PSKH2: variants seen among roughly 807,000 people sequenced by gnomAD.
The protein encoded by PSKH2 is protein serine kinase H2.
In PSKH2, 16 loss-of-function variants were observed where a neutral mutation model predicts 22.5. The observed-to-expected ratio is 0.71, with a 90% CI of 0.48 to 1.08. The LOEUF is 1.08. Among genes scored for constraint, PSKH2 ranks in the 50% least tolerant of loss-of-function variants. PSKH2 has a pLI of 0.00. For synonymous variants in PSKH2, 188 were observed against 184.8 expected, an observed-to-expected ratio of 1.02 and a Z score of -0.14; for missense variants, 516 against 492.8, an observed-to-expected ratio of 1.05 and a Z score of -0.44.
rs56407605 is a variant in PSKH2 at position 86,064,602 on chromosome 8, C to T, written c.215G>A (p.Gly72Asp). The change falls in exon 2 of 3, where the codon GGC (glycine) becomes GAC (aspartate). Residue 72 changes from glycine to aspartate, a missense_variant. Coordinates refer to ENST00000276616, the MANE Select transcript of PSKH2 (RefSeq NM_033126.3). ...RYDIKALIGT[G>D]SFSRVVRVEQ... ...TACCCTGACAACCCTGCTGAAACTG[C>T]CTGTCCCAATAAGAGCTTTGATGTC... 328 of 1,613,388 alleles carry T rather than the reference C, an allele frequency of 2.0e-4. 1 individual carries two copies. The highest frequency in any genetic ancestry group is 4.8e-4 in the South Asian group (44 of 91,052).
At chr8:86,068,773 A>C (rs1218788069) in intron 1 of PSKH2, among the ~76,000 whole-genome samples, 2 of 152,122 alleles carry the variant, frequency 1.3e-5, no homozygotes, top group Non-Finnish European at 1.5e-5. Flanking sequence ...GCCCCAGGAT[A>C]TTAGAGGCAA....
intron 2 of PSKH2, among the ~76,000 whole-genome samples, chr8:86,053,162 G>A (rs1318323867): frequency 6.6e-6 from 1 of 152,162 alleles, no homozygotes; most frequent in African/African-American, 2.4e-5. Flanking sequence ...CTTTAAAAGA[G>A]TCTGGCTCTC....
chr8:86,064,708 C>T, intron 1 of PSKH2, 77 bp from the exon 2 acceptor site: 1 of 1,142,214 alleles, frequency 8.8e-7, no homozygotes, highest in Non-Finnish European at 1.2e-6. Context: ...TGCTTTATAT[C>T]ATCTTTTCTA....
In PSKH2 at chr8:86,048,362, C is replaced by CAACAATA; in HGVS notation, c.*93_*99dup. On this transcript the variant is annotated 3_prime_UTR_variant, in exon 3 of 3. Coordinates refer to ENST00000276616, the MANE Select transcript of PSKH2 (RefSeq NM_033126.3). ...GTTAAAAGTCAAGATCAATAGTATC[C>CAACAATA]AACAATACCATGGAGTCCCGTGTCT... 1 of 863,652 alleles carries CAACAATA rather than the reference C, an allele frequency of 1.2e-6. No homozygotes were observed. The highest frequency in any genetic ancestry group is 1.8e-6 in the Non-Finnish European group (1 of 553,312). The allele number at this position is 863,652 out of a possible 1,614,324, so 53.5% of individuals were successfully genotyped here. A position where few individuals can be genotyped will look rare whatever the true frequency, so the allele number is the denominator to read the frequency against.
Position 86,069,470 on chromosome 8 carries a change from G to A in PSKH2, c.153C>T (p.Phe51=). The change falls in exon 1 of 3, where the codon TTC becomes TTT. Residue 51 remains phenylalanine, a synonymous_variant. Transcript: ENST00000276616. Reference sequence around the variant, plus strand: ...GGACCCGGGGGTCGAACTTGGCTCGGAAGCGAGCCACCTGTATCCTCTGCG... The same window carrying A: ...GGACCCGGGGGTCGAACTTGGCTCGAAAGCGAGCCACCTGTATCCTCTGCG... ...QAAQRIQVAR[F]RAKFDPRVLA... is the part of the protein sequence containing the mutation. 1.2e-6 allele frequency: 2 copies of A among 1,600,940 alleles called. No individual in the cohort carries two copies. The highest frequency in any genetic ancestry group is 2.2e-5 in the South Asian group (2 of 89,930).
chr8:86,055,600 G>A (rs1312903254), intron 2 of PSKH2, among the ~76,000 whole-genome samples: 1 of 152,080 alleles, frequency 6.6e-6, no homozygotes, highest in Non-Finnish European at 1.5e-5. Context: ...CATAGGAATG[G>A]GAACCAAATT....
At chr8:86,052,765 C>CA (rs1478251405) in intron 2 of PSKH2, among the ~76,000 whole-genome samples, 1 of 151,966 alleles carries the variant, frequency 6.6e-6, no homozygotes, top group South Asian at 2.1e-4. Context: ...AACCATTTTA[C>CA]AAAAAAAGGA....
intron 2 of PSKH2, among the ~76,000 whole-genome samples, chr8:86,059,936 A>G (rs954245882): frequency 4.6e-5 from 7 of 152,224 alleles, no homozygotes; most frequent in Non-Finnish European, 8.8e-5. Context: ...CTGTAGAGGA[A>G]ATCTACATTA....
chr8:86,048,311 T>C lies in PSKH2; in HGVS notation c.*151A>G, dbSNP rs1817558113. On this transcript the variant is annotated 3_prime_UTR_variant, in exon 3 of 3. Coordinates refer to ENST00000276616, the MANE Select transcript of PSKH2 (RefSeq NM_033126.3). ...TATTTTGGGAAAATGAATACAGGTA[T>C]AGGAAAAATTATAGAACAAGAAAAT... is the stretch of plus-strand genomic sequence containing the variant. 4 of 600,892 alleles carry C rather than the reference T, an allele frequency of 6.7e-6. No homozygotes were observed. Among genetic ancestry groups the C allele is most frequent in the Non-Finnish European group, 1.1e-5 (4 of 351,046 alleles). 37.2% of individuals were successfully genotyped at this position (600,892 alleles called of 1,614,324 possible).
chr8:86,050,222 CA>C (rs11291256), intron 2 of PSKH2, among the ~76,000 whole-genome samples: 130,834 of 152,200 alleles, frequency 0.86, 56,564 homozygotes, highest in African/African-American at 0.93. Context: ...AGAAAAGAAA[CA>C]ATTTAATCTG....
In PSKH2 at chr8:86,069,634, G is replaced by C. The variant is rs1455000422; in HGVS notation, c.-12C>G. 6.6e-7 allele frequency: 1 copy of C among 1,514,562 alleles called. No homozygotes were observed. The highest frequency in any genetic ancestry group is 8.8e-7 in the Non-Finnish European group (1 of 1,136,722). The allele number at this position is 1,514,562 out of a possible 1,614,324, so 93.8% of individuals were successfully genotyped here. The stretch of plus-strand genomic sequence containing the variant: ...GCGCCGCACCCCATACCCGCAACAC[G>C]CCCGCCGCTCGCGGGACCTGGGGAC... On this transcript the variant is annotated 5_prime_UTR_variant, in exon 1 of 3. Coordinates refer to ENST00000276616, the MANE Select transcript of PSKH2 (RefSeq NM_033126.3).
chr8:86,066,027 T>C (rs1348530472), intron 1 of PSKH2, among the ~76,000 whole-genome samples: 2 of 152,036 alleles, frequency 1.3e-5, no homozygotes, highest in South Asian at 2.1e-4. Flanking sequence ...CTCTACCTCA[T>C]ATTTAAGACA....
chr8:86,049,747 A>AAAGGAAAG (rs1363102902), intron 2 of PSKH2, among the ~76,000 whole-genome samples: 3 of 11,452 alleles, frequency 2.6e-4, no homozygotes, highest in African/African-American at 3.7e-4. Context: ...AGAAAGAAAG[A>AAAGGAAAG]AACGAAAGAA....
Position 86,061,044 on chromosome 8 carries a change from A to G in PSKH2, c.852+2921T>C, listed in dbSNP as rs113677606. ...CTGCCTTGACCTCAGAAGGCCTGAG[A>G]ATTTACCACCATTACCAACCTCAGT... On this transcript the variant is annotated intron_variant, in intron 2 of 2. Transcript: ENST00000276616. Among the ~76,000 whole-genome samples the G allele has an allele frequency of 3.4e-3, 518 of 152,288 alleles. 4 individuals carry two copies. Among genetic ancestry groups the G allele is most frequent in the African/African-American group, 0.012 (502 of 41,554 alleles).
At chr8:86,050,643 G>A (rs144777668) in intron 2 of PSKH2, among the ~76,000 whole-genome samples, 19 of 152,230 alleles carry the variant, frequency 1.2e-4, no homozygotes, top group African/African-American at 1.7e-4. Context: ...AGCACATACC[G>A]TATACCCGGA....
chr8:86,060,605 G>T (rs1424358594), intron 2 of PSKH2, among the ~76,000 whole-genome samples: 3 of 152,154 alleles, frequency 2.0e-5, no homozygotes, highest in Non-Finnish European at 4.4e-5. Flanking sequence ...TATGTTTGGA[G>T]ATGAGGCCTC....
intron 2 of PSKH2, among the ~76,000 whole-genome samples, chr8:86,056,304 G>GA (rs1332291473): frequency 6.6e-6 from 1 of 151,498 alleles, no homozygotes; most frequent in Non-Finnish European, 1.5e-5. Context: ...TCTCAAAAAA[G>GA]AAAAAAATGT....
intron 2 of PSKH2, among the ~76,000 whole-genome samples, chr8:86,058,016 G>A (rs1004710239): frequency 1.3e-5 from 2 of 152,210 alleles, no homozygotes; most frequent in African/African-American, 4.8e-5. Context: ...CACGAGGAAG[G>A]CCTGACCAGA....
chr8:86,060,171 C>G (rs948796378), intron 2 of PSKH2, among the ~76,000 whole-genome samples: 2 of 152,206 alleles, frequency 1.3e-5, no homozygotes, highest in Admixed American at 6.5e-5. Context: ...TCCCCTCCCC[C>G]TCCCAGAACC....
Sources: allele counts gnomAD v4.1 joint callset (sites outside exome capture counted in the v4.1 genomes callset), GRCh38; gene constraint gnomAD v4.1.1; transcripts MANE v1.5; gene names NCBI Gene and HGNC (gene_info 2026-07-23, HGNC 2026-07-21).